LRRC37A2: variants seen among roughly 807,000 people sequenced by gnomAD.
LRRC37A2 encodes leucine-rich repeat-containing protein 37A2.
In LRRC37A2, 9 loss-of-function variants were observed where a neutral mutation model predicts 68.8. That is an observed-to-expected ratio of 0.13 (90% confidence interval 0.08 to 0.23). LRRC37A2 has a LOEUF of 0.23. Among genes scored for constraint, LRRC37A2 ranks in the 10% least tolerant of loss-of-function variants. The pLI, the probability that LRRC37A2 is intolerant of heterozygous loss-of-function variation, is 1.00. For missense variants in LRRC37A2, 168 were observed against 950.4 expected, an observed-to-expected ratio of 0.18 and a Z score of 10.82; for synonymous variants, 63 against 367.6, an observed-to-expected ratio of 0.17 and a Z score of 9.48.
At chr17:46,867,239 A>G in the LRRC37A2 span, among the ~76,000 whole-genome samples, 19,072 of 152,268 alleles carry the variant, frequency 0.13, 1,919 homozygotes, top group East Asian at 0.37. Context: ...CACATGGTAG[A>G]TGCTCACTAA....
the LRRC37A2 span, among the ~76,000 whole-genome samples, chr17:46,723,356 T>G: frequency 6.6e-6 from 1 of 152,336 alleles, no homozygotes; most frequent in East Asian, 1.9e-4. Flanking sequence ...CAGTGATTCC[T>G]TAAAATTACC....
At chr17:46,805,488 G>A in the LRRC37A2 span, among the ~76,000 whole-genome samples, 1 of 152,140 alleles carries the variant, frequency 6.6e-6, no homozygotes, top group African/African-American at 2.4e-5. Flanking sequence ...CAGGAGAATC[G>A]CTTGAACCGG....
chr17:46,598,653 T>A, the LRRC37A2 span, among the ~76,000 whole-genome samples: 1 of 152,116 alleles, frequency 6.6e-6, no homozygotes, highest in Non-Finnish European at 1.5e-5. Flanking sequence ...GTGTTTTGAC[T>A]AGGGCAGGCC....
the LRRC37A2 span, among the ~76,000 whole-genome samples, chr17:46,881,966 C>T: frequency 6.6e-6 from 1 of 152,184 alleles, no homozygotes; most frequent in South Asian, 2.1e-4. Flanking sequence ...CATATTCAGA[C>T]TTCCCCAATT....
the LRRC37A2 span, chr17:46,710,874 T>C: frequency 8.5e-7 from 1 of 1,169,764 alleles, no homozygotes; most frequent in Non-Finnish European, 1.2e-6. Flanking sequence ...GATCAATACC[T>C]TTAGCATGTA....
At chr17:46,733,194 G>T in the LRRC37A2 span, among the ~76,000 whole-genome samples, 1 of 152,158 alleles carries the variant, frequency 6.6e-6, no homozygotes, top group Non-Finnish European at 1.5e-5. Flanking sequence ...ATTTATGGAA[G>T]TTGAGGGGAA....
intron 6 of LRRC37A2, among the ~76,000 whole-genome samples, chr17:46,539,416 A>AT (rs926200262): frequency 1.9e-3 from 268 of 143,314 alleles, no homozygotes; most frequent in Admixed American, 3.6e-3. Flanking sequence ...AATTGGTCCT[A>AT]TTTTTTTTTA....
At chr17:46,880,491 C>T in the LRRC37A2 span, among the ~76,000 whole-genome samples, 1 of 152,332 alleles carries the variant, frequency 6.6e-6, no homozygotes, top group Non-Finnish European at 1.5e-5. Flanking sequence ...CAAGTCTCTG[C>T]CTCATGGGGC....
chr17:46,906,495 C>CT, the LRRC37A2 span, among the ~76,000 whole-genome samples: 1 of 152,248 alleles, frequency 6.6e-6, no homozygotes, highest in Admixed American at 6.5e-5. Context: ...TCATAGCTCA[C>CT]TGCAGCCTTC....
the LRRC37A2 span, among the ~76,000 whole-genome samples, chr17:46,738,796 C>A: frequency 6.6e-6 from 1 of 152,268 alleles, no homozygotes. Context: ...ATGAGCTGTT[C>A]ATACAGTAAG....
At chr17:46,733,426 T>C in the LRRC37A2 span, among the ~76,000 whole-genome samples, 19 of 152,162 alleles carry the variant, frequency 1.2e-4, no homozygotes, top group African/African-American at 4.6e-4. Context: ...TTCCCCAGTT[T>C]CCTCAACAAG....
chr17:46,940,741 C>T, the LRRC37A2 span: 2 of 1,577,340 alleles, frequency 1.3e-6, no homozygotes, highest in African/African-American at 2.7e-5. Context: ...GATGAACCCT[C>T]ATGCTGCACC....
At chr17:46,861,448 T>A in the LRRC37A2 span, among the ~76,000 whole-genome samples, 1 of 152,200 alleles carries the variant, frequency 6.6e-6, no homozygotes, top group East Asian at 1.9e-4. Flanking sequence ...CATTCACTCC[T>A]TCATCTTCTG....
chr17:46,940,169 A>C, the LRRC37A2 span: 1 of 1,337,254 alleles, frequency 7.5e-7, no homozygotes, highest in Non-Finnish European at 9.6e-7. Context: ...CCTTTCAGGC[A>C]CCTCTGTGGC....
At chr17:47,037,977 A>C in the LRRC37A2 span, among the ~76,000 whole-genome samples, 22 of 151,188 alleles carry the variant, frequency 1.5e-4, no homozygotes, top group Non-Finnish European at 1.0e-4. Flanking sequence ...AACAATAGTA[A>C]TGTCCCCTCT....
the LRRC37A2 span, among the ~76,000 whole-genome samples, chr17:46,947,309 TAGTCTCTCTCCC>T: frequency 6.6e-6 from 1 of 152,126 alleles, no homozygotes; most frequent in African/African-American, 2.4e-5. Context: ...TGTGGGTTGT[TAGTCTCTCTCCC>T]AGGAGCACCT....
At chr17:46,923,559 A>G in the LRRC37A2 span, 1 of 1,311,112 alleles carries the variant, frequency 7.6e-7, no homozygotes, top group Non-Finnish European at 9.7e-7. Context: ...TGGTTGGTAG[A>G]CCTCGAGAGG....
chr17:46,938,535 C>G, the LRRC37A2 span: 2 of 1,609,172 alleles, frequency 1.2e-6, no homozygotes, highest in African/African-American at 2.7e-5. Context: ...CTCCTGATGC[C>G]ATTCACCCAC....
the LRRC37A2 span, among the ~76,000 whole-genome samples, chr17:46,575,418 G>A: frequency 6.6e-6 from 1 of 151,776 alleles, no homozygotes; most frequent in East Asian, 1.9e-4. Flanking sequence ...TAAGCACTGG[G>A]AGCGTACTTG....
Sources: allele counts gnomAD v4.1 joint callset (sites outside exome capture counted in the v4.1 genomes callset), GRCh38; gene constraint gnomAD v4.1.1; transcripts MANE v1.5; gene names NCBI Gene and HGNC (gene_info 2026-07-23, HGNC 2026-07-21).